PTPRO: variants seen among roughly 807,000 people sequenced by gnomAD.
PTPRO encodes protein tyrosine phosphatase receptor type O.
Under a neutral mutation model 145.2 loss-of-function variants are expected in PTPRO, and 62 were observed. The observed-to-expected ratio is 0.43, with a 90% confidence interval of 0.35 to 0.53. The LOEUF is 0.53. Ranked by LOEUF, PTPRO falls within the 20% of genes least tolerant of loss-of-function variation. PTPRO has a pLI of 0.01. For missense variants in PTPRO, 1,345 were observed against 1,482.7 expected (o/e 0.91, Z 1.53); for synonymous variants, 565 against 514.7 (o/e 1.10, Z -1.32).
intron 1 of PTPRO, among the ~76,000 whole-genome samples, chr12:15,359,286 T>C (rs1938097307): frequency 6.6e-6 from 1 of 152,220 alleles, no homozygotes; most frequent in African/African-American, 2.4e-5. Context: ...GTACAGATGA[T>C]ATCCCCATTT....
intron 18 of PTPRO, among the ~76,000 whole-genome samples, chr12:15,566,339 C>T (rs1943897172): frequency 1.3e-5 from 2 of 152,082 alleles, no homozygotes; most frequent in Non-Finnish European, 2.9e-5. Context: ...GGGGTCCAGC[C>T]AGGTCTGTGG....
intron 1 of PTPRO, among the ~76,000 whole-genome samples, chr12:15,367,343 G>A (rs1015864088): frequency 6.6e-6 from 1 of 152,170 alleles, no homozygotes; most frequent in African/African-American, 2.4e-5. Context: ...AAATTGGCAT[G>A]AGCCTGATGA....
At chr12:15,561,849 T>G (rs1449482875) in intron 17 of PTPRO, among the ~76,000 whole-genome samples, 2 of 152,172 alleles carry the variant, frequency 1.3e-5, no homozygotes, top group Non-Finnish European at 2.9e-5. Flanking sequence ...ACTTTCTCAT[T>G]TTCCACAGTG....
At chr12:15,505,309 A>T (rs1230043169) in intron 6 of PTPRO, among the ~76,000 whole-genome samples, 1 of 152,152 alleles carries the variant, frequency 6.6e-6, no homozygotes, top group Non-Finnish European at 1.5e-5. Flanking sequence ...TTTTATGTAC[A>T]TCTTGCTTCT....
chr12:15,579,091 C>G lies in PTPRO; in HGVS notation c.2920+148C>G, dbSNP rs1039028415. 4.2e-6 allele frequency: 3 copies of G among 712,602 alleles called. No individual in the cohort carries two copies. In the African/African-American group the frequency reaches 5.2e-5, roughly 12 times the overall value. The allele number at this position is 712,602 out of a possible 1,614,324, so 44.1% of individuals were successfully genotyped here. A position where few individuals can be genotyped will look rare whatever the true frequency, so the allele number is the denominator to read the frequency against. ...TCTGAGATTGCATTGATCTCACTCTCCTTTGATGTCTTTAGATCTTAGCAT... is the reference window on the plus strand; with the variant it reads ...TCTGAGATTGCATTGATCTCACTCTGCTTTGATGTCTTTAGATCTTAGCAT... On this transcript the variant is annotated intron_variant, in intron 20 of 26. Transcript: ENST00000281171.
chr12:15,404,188 C>CAAAAAA (rs370733389), intron 1 of PTPRO, among the ~76,000 whole-genome samples: 16 of 49,920 alleles, frequency 3.2e-4, no homozygotes, highest in East Asian at 7.3e-4. Context: ...GACCCCATCT[C>CAAAAAA]AAAAAAAAAA....
intron 6 of PTPRO, among the ~76,000 whole-genome samples, chr12:15,504,424 A>T (rs1020775697): frequency 2.6e-5 from 4 of 152,174 alleles, no homozygotes; most frequent in Non-Finnish European, 5.9e-5. Flanking sequence ...ATATTATAGG[A>T]CTGTGAAAAA....
chr12:15,404,103 G>A (rs969549538), intron 1 of PTPRO, among the ~76,000 whole-genome samples: 7 of 150,160 alleles, frequency 4.7e-5, no homozygotes, highest in African/African-American at 1.5e-4. Flanking sequence ...GGCTGAGGCA[G>A]GAGAATGCCT....
At chr12:15,522,711 G>T (rs1187833314) in intron 10 of PTPRO, among the ~76,000 whole-genome samples, 1 of 152,168 alleles carries the variant, frequency 6.6e-6, no homozygotes, top group Non-Finnish European at 1.5e-5. Flanking sequence ...AGGCAATTCA[G>T]TTGGCTAGCC....
chr12:15,573,439 C>G (rs1227983230), intron 19 of PTPRO, among the ~76,000 whole-genome samples: 1 of 152,112 alleles, frequency 6.6e-6, no homozygotes, highest in African/African-American at 2.4e-5. Flanking sequence ...ATAGCCTAGT[C>G]AAGTTGACGT....
intron 17 of PTPRO, 78 bp from the exon 18 acceptor site, chr12:15,565,515 A>C: frequency 1.0e-6 from 1 of 959,042 alleles, no homozygotes; most frequent in Non-Finnish European, 1.7e-6. Context: ...GTAATTATTT[A>C]AAGCTGTTCA....
chr12:15,483,709 A>G (rs1941828109), intron 1 of PTPRO, among the ~76,000 whole-genome samples: 1 of 152,144 alleles, frequency 6.6e-6, no homozygotes, highest in South Asian at 2.1e-4. Flanking sequence ...GACACTGTCC[A>G]CAAACTGGAA....
At chr12:15,432,997 T>G (rs1439853262) in intron 1 of PTPRO, among the ~76,000 whole-genome samples, 1 of 152,058 alleles carries the variant, frequency 6.6e-6, no homozygotes, top group Non-Finnish European at 1.5e-5. Context: ...TTGTTGTTGT[T>G]GTTGTTGTTA....
intron 1 of PTPRO, among the ~76,000 whole-genome samples, chr12:15,480,721 A>AGATGGATGGATG (rs58620856): frequency 2.7e-5 from 4 of 150,858 alleles, no homozygotes; most frequent in African/African-American, 7.3e-5. Context: ...CTGATGTAGA[A>AGATGGATGGATG]GATGGATGGA....
chr12:15,328,803 T>A (rs995981299), intron 1 of PTPRO, among the ~76,000 whole-genome samples: 2 of 152,230 alleles, frequency 1.3e-5, no homozygotes, highest in Non-Finnish European at 2.9e-5. Flanking sequence ...GCTGCACAGT[T>A]CATTTTTCTA....
intron 1 of PTPRO, among the ~76,000 whole-genome samples, chr12:15,358,645 A>C (rs574713105): frequency 6.6e-6 from 1 of 152,224 alleles, no homozygotes; most frequent in African/African-American, 2.4e-5. Flanking sequence ...GAAGTGTCCA[A>C]GATCTCACAG....
At chr12:15,465,593 A>G (rs554267963) in intron 1 of PTPRO, among the ~76,000 whole-genome samples, 2 of 152,358 alleles carry the variant, frequency 1.3e-5, no homozygotes, top group Admixed American at 6.5e-5. Context: ...GTTTACAGGA[A>G]GAAAGAAATC....
intron 23 of PTPRO, among the ~76,000 whole-genome samples, chr12:15,584,038 T>G (rs1944379726): frequency 6.6e-6 from 1 of 152,188 alleles, no homozygotes; most frequent in Admixed American, 6.5e-5. Context: ...TGTGGCGTCT[T>G]CTCTGGGCTT....
intron 1 of PTPRO, among the ~76,000 whole-genome samples, chr12:15,336,473 T>C (rs1456873928): frequency 2.0e-5 from 3 of 152,206 alleles, no homozygotes; most frequent in Admixed American, 1.3e-4. Flanking sequence ...AAAGAGATTG[T>C]TGTCTATGTA....
Sources: allele counts gnomAD v4.1 joint callset (sites outside exome capture counted in the v4.1 genomes callset), GRCh38; gene constraint gnomAD v4.1.1; transcripts MANE v1.5; gene names NCBI Gene and HGNC (gene_info 2026-07-23, HGNC 2026-07-21).